The following DENND2B variants were observed in gnomAD, a reference collection of about 807,000 sequenced individuals.
The protein encoded by DENND2B is DENN domain-containing protein 2B.
In DENND2B, 32 loss-of-function variants were observed where a neutral mutation model predicts 116.0. That is an observed-to-expected ratio of 0.28 (90% CI 0.21 to 0.37). DENND2B has a LOEUF of 0.37. Ranked by LOEUF, DENND2B falls within the 10% of genes least tolerant of loss-of-function variation. The probability of loss-of-function intolerance (pLI) is 1.00; values close to 1 mark genes in which losing one functional copy is unlikely to be tolerated. For synonymous variants in DENND2B, 588 were observed against 583.9 expected (o/e 1.01, Z -0.10); for missense variants, 1,276 against 1,477.7 (o/e 0.86, Z 2.24).
chr11:8,798,677 T>A (rs547263804), intron 1 of DENND2B, among the ~76,000 whole-genome samples: 24 of 152,042 alleles, frequency 1.6e-4, no homozygotes, highest in African/African-American at 5.8e-4. Flanking sequence ...ATAAGCAGAA[T>A]AGGCACCTAC....
chr11:8,718,453 T>C (rs2045503506), intron 4 of DENND2B: 3 of 1,512,302 alleles, frequency 2.0e-6, no homozygotes, highest in South Asian at 1.2e-5. Flanking sequence ...ACAAGTCTTT[T>C]AGGGCAGGGT....
chr11:8,850,507 C>A (rs2062967739), intron 3 of DENND2B, among the ~76,000 whole-genome samples: 1 of 151,888 alleles, frequency 6.6e-6, no homozygotes, highest in Admixed American at 6.6e-5. Flanking sequence ...ACACCTCACA[C>A]CTATTAGAAT....
intron 1 of DENND2B, among the ~76,000 whole-genome samples, chr11:8,891,211 G>C (rs2064028122): frequency 6.6e-6 from 1 of 152,128 alleles, no homozygotes; most frequent in African/African-American, 2.4e-5. Context: ...GTCACCACCA[G>C]GCCTGCCCTA....
At chr11:8,827,649 G>GA (rs2062030745) in intron 4 of DENND2B, among the ~76,000 whole-genome samples, 1 of 152,210 alleles carries the variant, frequency 6.6e-6, no homozygotes, top group African/African-American at 2.4e-5. Context: ...AGAGAGATGC[G>GA]AGAGTTGTCA....
intron 14 of DENND2B, chr11:8,699,995 GA>G (rs1277299780): frequency 4.4e-6 from 2 of 456,294 alleles, no homozygotes; most frequent in Non-Finnish European, 8.8e-6. Flanking sequence ...AATGGTCCTG[GA>G]ATGTGCTCAG....
At chr11:8,783,469 G>C (rs75697084) in intron 1 of DENND2B, among the ~76,000 whole-genome samples, 7 of 152,154 alleles carry the variant, frequency 4.6e-5, no homozygotes, top group Non-Finnish European at 7.3e-5. Context: ...AGTCAGAAAA[G>C]TAGGTTACAA....
chr11:8,822,685 G>A (rs930721155), intron 4 of DENND2B, among the ~76,000 whole-genome samples: 3 of 152,176 alleles, frequency 2.0e-5, no homozygotes, highest in Non-Finnish European at 4.4e-5. Flanking sequence ...AACTCTGCAG[G>A]TGGGCTAGTT....
chr11:8,772,472 A>T (rs2057055833), intron 1 of DENND2B, among the ~76,000 whole-genome samples: 3 of 152,120 alleles, frequency 2.0e-5, no homozygotes, highest in Non-Finnish European at 2.9e-5. Context: ...ATTGAATTAA[A>T]TTGTAAGAAA....
intron 1 of DENND2B, among the ~76,000 whole-genome samples, chr11:8,903,188 T>A (rs184060109): frequency 6.6e-6 from 1 of 152,138 alleles, no homozygotes; most frequent in Non-Finnish European, 1.5e-5. Context: ...TATTTATTTA[T>A]TTATTTTTTG....
chr11:8,707,961 A>C lies in DENND2B; in HGVS notation c.2353-107T>G, dbSNP rs1234806960. 1 of 1,537,662 alleles carries C rather than the reference A, an allele frequency of 6.5e-7. No individual in the cohort carries two copies. Among genetic ancestry groups the C allele is most frequent in the Non-Finnish European group, 8.7e-7 (1 of 1,145,796 alleles). ...ACGGAGGAGTAAGGACTGCCCTTCT[A>C]GTGGAGGAAGACTTTAAGCCTCCTC... On this transcript the variant is annotated intron_variant, in intron 11 of 19. Coordinates refer to ENST00000313726, the MANE Select transcript of DENND2B (RefSeq NM_213618.2). This position sits in a 1 kb window ranked among gnomAD's most constrained non-coding sequence, Gnocchi z 4.8.
intron 1 of DENND2B, among the ~76,000 whole-genome samples, chr11:8,768,096 C>T (rs936470425): frequency 3.3e-5 from 5 of 151,988 alleles, no homozygotes; most frequent in Non-Finnish European, 7.4e-5. Flanking sequence ...CCAGACCGGA[C>T]GAGAGCAACC....
chr11:8,756,758 G>C (rs1456762717), intron 1 of DENND2B, among the ~76,000 whole-genome samples: 1 of 152,088 alleles, frequency 6.6e-6, no homozygotes, highest in African/African-American at 2.4e-5. Flanking sequence ...CCTCATCTAT[G>C]CTTTTAGCCT....
chr11:8,817,302 A>G (rs1372786391), intron 4 of DENND2B, among the ~76,000 whole-genome samples: 1 of 152,150 alleles, frequency 6.6e-6, no homozygotes, highest in Admixed American at 6.5e-5. Context: ...GATCAACAAA[A>G]CAAATGTCTT....
At chr11:8,831,949 C>A (rs1381954684) in intron 4 of DENND2B, 2 of 152,068 alleles carry the variant, frequency 1.3e-5, no homozygotes, top group African/African-American at 4.8e-5. Context: ...CAGAGCCAGA[C>A]TGGGGAGACG....
intron 1 of DENND2B, among the ~76,000 whole-genome samples, chr11:8,779,514 CT>C (rs771481403): frequency 3.5e-3 from 109 of 31,444 alleles, no homozygotes; most frequent in Middle Eastern, 0.014. Context: ...TTCTTTCTTT[CT>C]TTTTTTTTTT....
At chr11:8,795,520 C>T (rs1412044331) in intron 1 of DENND2B, among the ~76,000 whole-genome samples, 1 of 152,154 alleles carries the variant, frequency 6.6e-6, no homozygotes, top group East Asian at 1.9e-4. Context: ...AGTCTGAAAA[C>T]CACTGCTCTA....
chr11:8,891,773 C>T (rs920109157), intron 1 of DENND2B, among the ~76,000 whole-genome samples: 12 of 152,200 alleles, frequency 7.9e-5, no homozygotes, highest in African/African-American at 2.7e-4. Context: ...GAAATTTAGA[C>T]TCCCACACAA....
intron 1 of DENND2B, among the ~76,000 whole-genome samples, chr11:8,779,737 C>T (rs903988735): frequency 3.9e-5 from 6 of 152,142 alleles, no homozygotes; most frequent in Non-Finnish European, 8.8e-5. Flanking sequence ...TGGTCTCGAA[C>T]TCCTGACCTC....
intron 1 of DENND2B, among the ~76,000 whole-genome samples, chr11:8,802,414 C>T (rs1232831180): frequency 2.0e-5 from 3 of 152,256 alleles, no homozygotes; most frequent in African/African-American, 7.2e-5. Context: ...AGGCACTTTA[C>T]ATTTGGCATT....
Sources: gnomAD v4.1 joint callset for allele counts (sites outside exome capture counted in the v4.1 genomes callset) on GRCh38, gnomAD v4.1.1 for gene constraint, Gnocchi (gnomAD v3.1) non-coding constraint, MANE v1.5 for transcripts, NCBI Gene and HGNC (gene_info 2026-07-23, HGNC 2026-07-21) for gene names.